Variants in KIF4B observed in about 807,000 individuals in gnomAD.
KIF4B encodes the protein kinesin family member 4B, also known as chromosome-associated kinesin KIF4B.
A neutral mutation model predicts 69.0 loss-of-function variants in KIF4B; 60 were observed. The observed-to-expected ratio is 0.87, with a 90% CI of 0.71 to 1.08. The LOEUF is 1.08. Among genes scored for constraint, KIF4B ranks in the 50% least tolerant of loss-of-function variants. The pLI, the probability that KIF4B is intolerant of heterozygous loss-of-function variation, is 0.00. For missense variants in KIF4B, 1,357 were observed against 1,451.9 expected, an observed-to-expected ratio of 0.93 and a Z score of 1.06; for synonymous variants, 489 against 533.0, an observed-to-expected ratio of 0.92 and a Z score of 1.14.
chr5:155,017,670 GT>G lies in KIF4B; in HGVS notation c.*108del. 1 of 1,462,980 alleles carries G rather than the reference GT, an allele frequency of 6.8e-7. No individual in the cohort carries two copies. Among genetic ancestry groups the G allele is most frequent in the Non-Finnish European group, 9.0e-7 (1 of 1,108,288 alleles). The allele number at this position is 1,462,980 out of a possible 1,614,324, so 90.6% of individuals were successfully genotyped here. On this transcript the variant is annotated 3_prime_UTR_variant, in exon 1 of 1. Coordinates refer to ENST00000435029, the MANE Select transcript of KIF4B (RefSeq NM_001099293.3). ...TTCTCTGGATTTCAGGTTTCTTGCCGTTGAAAAAAAGGAACAAAGCATTACT... is the reference window on the plus strand; with the variant it reads ...TTCTCTGGATTTCAGGTTTCTTGCCGTGAAAAAAAGGAACAAAGCATTACT...
Position 155,016,233 on chromosome 5 carries a change from C to T in KIF4B, c.2374C>T (p.Pro792Ser). The T allele has an allele frequency of 6.2e-7, 1 of 1,614,160 alleles. No individual in the cohort carries two copies. Among genetic ancestry groups the T allele is most frequent in the Non-Finnish European group, 8.5e-7 (1 of 1,180,020 alleles). Residue 792 changes from proline to serine, a missense_variant, in exon 1 of 1, where the codon CCT becomes TCT. Physicochemically the swap from Pro to Ser is moderately conservative, Grantham distance 74. Transcript: ENST00000435029. The part of the protein sequence containing the change: ...KEKKESRENP[P>S]PKLRKCTFSL... ...AAAAAAGGAATCTCGGGAGAATCCA[C>T]CTCCTAAACTCCGGAAGTGTACATT...
Position 155,014,880 on chromosome 5 carries a change from A to G in KIF4B, c.1021A>G (p.Ile341Val), listed in dbSNP as rs1254846635. Residue 341 changes from isoleucine (I) to valine (V), a missense_variant, in exon 1 of 1, where the codon ATT becomes GTT. Physicochemically the swap from Ile to Val is conservative, Grantham distance 29. Coordinates refer to ENST00000435029, the MANE Select transcript of KIF4B (RefSeq NM_001099293.3). ...DRARKIKNKP[I>V]VNIDPHTAEL... ...AGCAAGAAAAATCAAGAACAAACCT[A>G]TTGTTAATATTGATCCCCACACAGC... The G allele has an allele frequency of 8.7e-6, 14 of 1,614,122 alleles. No homozygotes were observed. The highest frequency in any genetic ancestry group is 2.2e-5 in the East Asian group (1 of 44,886).
chr5:155,015,920 C>T lies in KIF4B; in HGVS notation c.2061C>T (p.Leu687=). 6.2e-7 allele frequency: 1 copy of T among 1,613,726 alleles called. No individual in the cohort carries two copies. The highest frequency in any genetic ancestry group is 8.5e-7 in the Non-Finnish European group (1 of 1,179,936). The change falls in exon 1 of 1, where the codon CTC becomes CTT. Residue 687 remains leucine, a synonymous_variant. Coordinates refer to ENST00000435029, the MANE Select transcript of KIF4B (RefSeq NM_001099293.3). The stretch of plus-strand genomic sequence containing the variant: ...ACCGTAAGAGGCAATATGAGCTGCT[C>T]AAACTTGAAAGAAACTTCCAGAAAC... The part of the protein sequence containing the change: ...ERDRKRQYEL[L]KLERNFQKQS...
At position 155,014,167 on chromosome 5, in the gene KIF4B, C is replaced by G. The variant is rs764102616; in HGVS notation, c.308C>G (p.Thr103Ser). 67 of 1,614,152 alleles carry G rather than the reference C, an allele frequency of 4.2e-5. No individual in the cohort carries two copies. The South Asian group carries it at 7.0e-4, about 17-fold the overall frequency. ...GKTYSMGGAY[T>S]AEQENEPTVG... ...ACCTATTCAATGGGAGGTGCATACACTGCGGAGCAGGAGAATGAACCAACA... is the reference window on the plus strand; with the variant it reads ...ACCTATTCAATGGGAGGTGCATACAGTGCGGAGCAGGAGAATGAACCAACA... The change falls in exon 1 of 1, where the codon ACT becomes AGT. Residue 103 changes from threonine to serine, a missense_variant. By Grantham distance (58) the Thr-to-Ser change is moderately conservative. Transcript: ENST00000435029.
Position 155,016,727 on chromosome 5 carries a change from A to T in KIF4B, c.2868A>T (p.Glu956Asp). The stretch of plus-strand genomic sequence containing the variant: ...TAGAGAAATCAGCCAGTGAAAAGGA[A>T]CAACAGCTGGTGAGCACACTGCAGT... ...KQLEKSASEK[E>D]QQLVSTLQCQ... Residue 956 changes from glutamate (E) to aspartate (D), a missense_variant, in exon 1 of 1, where the codon GAA becomes GAT. Transcript: ENST00000435029. 3.7e-6 allele frequency: 6 copies of T among 1,614,184 alleles called. No homozygotes were observed. The highest frequency in any genetic ancestry group is 5.1e-6 in the Non-Finnish European group (6 of 1,180,032).
At position 155,016,188 on chromosome 5, in the gene KIF4B, G is replaced by A. The variant is rs765390472; in HGVS notation, c.2329G>A (p.Asp777Asn). ...LLEDRKILAQ[D>N]VVQLKEKKES... ...TGAAGACAGAAAGATCCTGGCTCAG[G>A]ATGTGGTTCAACTCAAAGAAAAAAA... Residue 777 changes from aspartate to asparagine, a missense_variant, in exon 1 of 1, where the codon GAT (aspartate) becomes AAT (asparagine). Transcript: ENST00000435029. 11 of 1,614,186 alleles carry A rather than the reference G, an allele frequency of 6.8e-6. No homozygotes were observed. The highest frequency in any genetic ancestry group is 8.5e-6 in the Non-Finnish European group (10 of 1,180,032).
chr5:155,016,429 T>C lies in KIF4B; in HGVS notation c.2570T>C (p.Ile857Thr), dbSNP rs765206113. Reference sequence around the variant, plus strand: ...AGGCCAAAACAATGCTGGGAGAATATTGCCACCATTCTGGAAGCCAAGTGT... The same window carrying C: ...AGGCCAAAACAATGCTGGGAGAATACTGCCACCATTCTGGAAGCCAAGTGT... ...EDRPKQCWEN[I>T]ATILEAKCAL... The change falls in exon 1 of 1, where the codon ATT (isoleucine) becomes ACT (threonine). Residue 857 changes from isoleucine (I) to threonine (T), a missense_variant. By Grantham distance (89) the Ile-to-Thr change is moderately conservative (BLOSUM62 -1). Transcript: ENST00000435029. The C allele has an allele frequency of 3.1e-6, 5 of 1,614,078 alleles. No homozygotes were observed. Among genetic ancestry groups the C allele is most frequent in the African/African-American group, 1.3e-5 (1 of 74,930 alleles).
rs775211305 is a variant in KIF4B at position 155,015,652 on chromosome 5, G to A, written c.1793G>A (p.Arg598His). The change falls in exon 1 of 1, where the codon CGC becomes CAC. Residue 598 changes from arginine (R) to histidine (H), a missense_variant. Coordinates refer to ENST00000435029, the MANE Select transcript of KIF4B (RefSeq NM_001099293.3). ...NVNQAKLSEH[R>H]HKLLQELEGQ... is the part of the protein sequence containing the mutation. ...AACCAAGCCAAGCTGAGTGAGCACC[G>A]CCACAAACTTCTCCAGGAGCTGGAG... 3.8e-5 allele frequency: 61 copies of A among 1,614,044 alleles called. No individual in the cohort carries two copies. Among genetic ancestry groups the A allele is most frequent in the Middle Eastern group, 1.6e-4 (1 of 6,084 alleles).
rs1765318814 is a variant in KIF4B at position 155,015,867 on chromosome 5, A to T, written c.2008A>T (p.Lys670Ter). 1 of 1,614,144 alleles carries T rather than the reference A, an allele frequency of 6.2e-7. No individual in the cohort carries two copies. Among genetic ancestry groups the T allele is most frequent in the African/African-American group, 1.3e-5 (1 of 74,952 alleles). The stretch of plus-strand genomic sequence containing the variant: ...TAGACAATGGAAGCAGAAAAAAGAC[A>T]AAGAAGTAATACAGTTGAAAGAACG... ...KFRQWKQKKDKEVIQLKERDR... is the reference protein window; with the variant it reads ...KFRQWKQKKD The change falls in exon 1 of 1, where the codon AAA (lysine) becomes TAA (stop). Residue 670 changes from lysine (K) to a stop codon, truncating the protein, a stop_gained. Transcript: ENST00000435029. LOFTEE classifies it high-confidence loss of function.
At position 155,015,235 on chromosome 5, in the gene KIF4B, T is replaced by C. The variant is rs201144372; in HGVS notation, c.1376T>C (p.Leu459Ser). 42 of 1,613,998 alleles carry C rather than the reference T, an allele frequency of 2.6e-5. 1 individual carries two copies. The East Asian group carries it at 5.8e-4, about 22-fold the overall frequency. ...GTGGAGACTTTGGAAGACCAGGAATTGAAAGAAAATGTAGAGATAATTTGT... is the reference window on the plus strand; with the variant it reads ...GTGGAGACTTTGGAAGACCAGGAATCGAAAGAAAATGTAGAGATAATTTGT... ...KLVETLEDQE[L>S]KENVEIICNL... The change falls in exon 1 of 1, where the codon TTG becomes TCG. Residue 459 changes from leucine to serine, a missense_variant. Transcript: ENST00000435029.
In KIF4B at chr5:155,016,803, C is replaced by T; in HGVS notation, c.2944C>T (p.Gln982Ter). Reference sequence around the variant, plus strand: ...GCGAGAAGTGTGTGAGCAAAATCAGCAGCTTCTCCAAGAGAATGAAATCAT... The same window carrying T: ...GCGAGAAGTGTGTGAGCAAAATCAGTAGCTTCTCCAAGAGAATGAAATCAT... Reference protein sequence around the residue: ...KMREVCEQNQQLLQENEIIKQ... With the variant: ...KMREVCEQNQ The change falls in exon 1 of 1, where the codon CAG (glutamine) becomes TAG (stop). Residue 982 changes from glutamine (Q) to a stop codon, truncating the protein, a stop_gained. Coordinates refer to ENST00000435029, the MANE Select transcript of KIF4B (RefSeq NM_001099293.3). LOFTEE classifies it low-confidence loss of function (END_TRUNC). 1 of 1,614,174 alleles carries T rather than the reference C, an allele frequency of 6.2e-7. No homozygotes were observed. Among genetic ancestry groups the T allele is most frequent in the Non-Finnish European group, 8.5e-7 (1 of 1,180,036 alleles).
rs778939960 is a variant in KIF4B at position 155,015,835 on chromosome 5, A to C, written c.1976A>C (p.Glu659Ala). ...QLMRQMKEDA[E>A]KFRQWKQKKD... The stretch of plus-strand genomic sequence containing the variant: ...ATGCGTCAAATGAAAGAGGATGCTG[A>C]GAAGTTTAGACAATGGAAGCAGAAA... Residue 659 changes from glutamate (E) to alanine (A), a missense_variant, in exon 1 of 1, where the codon GAG becomes GCG. Transcript: ENST00000435029. 2.5e-6 allele frequency: 4 copies of C among 1,614,276 alleles called. No individual in the cohort carries two copies. In the East Asian group the frequency reaches 8.9e-5, roughly 36 times the overall value.
chr5:155,014,889 A>G lies in KIF4B; in HGVS notation c.1030A>G (p.Ile344Val). Residue 344 changes from isoleucine to valine, a missense_variant, in exon 1 of 1, where the codon ATT (isoleucine) becomes GTT (valine). Transcript: ENST00000435029. ...AATCAAGAACAAACCTATTGTTAAT[A>G]TTGATCCCCACACAGCTGAACTTAA... ...RKIKNKPIVN[I>V]DPHTAELNHL... 1 of 1,614,196 alleles carries G rather than the reference A, an allele frequency of 6.2e-7. No homozygotes were observed.
At position 155,015,217 on chromosome 5, in the gene KIF4B, C is replaced by T; in HGVS notation, c.1358C>T (p.Thr453Ile). 2 of 1,614,198 alleles carry T rather than the reference C, an allele frequency of 1.2e-6. No homozygotes were observed. Among genetic ancestry groups the T allele is most frequent in the South Asian group, 1.1e-5 (1 of 91,084 alleles). Residue 453 changes from threonine (T) to isoleucine (I), a missense_variant, in exon 1 of 1, where the codon ACT becomes ATT. Coordinates refer to ENST00000435029, the MANE Select transcript of KIF4B (RefSeq NM_001099293.3). ...CKLDLQKLVE[T>I]LEDQELKENV... is the part of the protein sequence containing the mutation. ...CTGGATCTTCAAAAGCTAGTGGAGACTTTGGAAGACCAGGAATTGAAAGAA... is the reference window on the plus strand; with the variant it reads ...CTGGATCTTCAAAAGCTAGTGGAGATTTTGGAAGACCAGGAATTGAAAGAA...
At position 155,017,084 on chromosome 5, in the gene KIF4B, A is replaced by C. The variant is rs758226551; in HGVS notation, c.3225A>C (p.Thr1075=). Residue 1075 remains threonine (T), a synonymous_variant, in exon 1 of 1, where the codon ACA becomes ACC. Coordinates refer to ENST00000435029, the MANE Select transcript of KIF4B (RefSeq NM_001099293.3). The stretch of plus-strand genomic sequence containing the variant: ...GGGATGATGAGGAATGGAAGCCAAC[A>C]AAATTAGTCAAGGTGTCCAGGAAGA... ...DEGDDEEWKP[T]KLVKVSRKNI... The C allele has an allele frequency of 6.8e-6, 11 of 1,614,092 alleles. No individual in the cohort carries two copies. Among genetic ancestry groups the C allele is most frequent in the Admixed American group, 6.7e-5 (4 of 60,010 alleles).
In KIF4B at chr5:155,017,113, T is replaced by C; in HGVS notation, c.3254T>C (p.Ile1085Thr). The change falls in exon 1 of 1, where the codon ATC (isoleucine) becomes ACC (threonine). Residue 1085 changes from isoleucine to threonine, a missense_variant. Transcript: ENST00000435029. ...TKLVKVSRKNIQGCSCKGWCG... is the reference protein window; with the variant it reads ...TKLVKVSRKNTQGCSCKGWCG... ...TTAGTCAAGGTGTCCAGGAAGAACA[T>C]CCAAGGGTGTTCCTGCAAGGGCTGG... 6.2e-7 allele frequency: 1 copy of C among 1,614,062 alleles called. No individual in the cohort carries two copies. The highest frequency in any genetic ancestry group is 8.5e-7 in the Non-Finnish European group (1 of 1,180,000).
chr5:155,017,481 C>T lies in KIF4B; in HGVS notation c.3622C>T (p.Pro1208Ser). 6.2e-7 allele frequency: 1 copy of T among 1,614,042 alleles called. No homozygotes were observed. Among genetic ancestry groups the T allele is most frequent in the East Asian group, 2.2e-5 (1 of 44,860 alleles). The part of the protein sequence containing the change: ...GATEYQQNKP[P>S]GKKKKRALAS... Reference sequence around the variant, plus strand: ...AACAGAATACCAACAAAATAAGCCTCCAGGGAAGAAAAAGAAACGAGCTCT... The same window carrying T: ...AACAGAATACCAACAAAATAAGCCTTCAGGGAAGAAAAAGAAACGAGCTCT... The change falls in exon 1 of 1, where the codon CCA becomes TCA. Residue 1208 changes from proline (P) to serine (S), a missense_variant. Pro to Ser is a moderately conservative substitution (Grantham distance 74, BLOSUM62 -1). Coordinates refer to ENST00000435029, the MANE Select transcript of KIF4B (RefSeq NM_001099293.3).
chr5:155,015,147 CT>C lies in KIF4B; in HGVS notation c.1289del (p.Leu430ArgfsTer5). The C allele has an allele frequency of 6.2e-7, 1 of 1,614,216 alleles. No homozygotes were observed. On this transcript the variant is annotated frameshift_variant, in exon 1 of 1. Transcript: ENST00000435029. LOFTEE classifies it high-confidence loss of function. ...IILTEQVNEK[L>X]NAKLEELRQH... The stretch of plus-strand genomic sequence containing the variant: ...TTTGACAGAGCAAGTGAATGAAAAA[CT>C]GAACGCCAAGCTAGAAGAGCTCAGG...
chr5:155,017,171 A>G lies in KIF4B; in HGVS notation c.3312A>G (p.Gln1104=), dbSNP rs760769143. 8 of 1,614,032 alleles carry G rather than the reference A, an allele frequency of 5.0e-6. No individual in the cohort carries two copies. Among genetic ancestry groups the G allele is most frequent in the Admixed American group, 3.3e-5 (2 of 60,002 alleles). ...ACAAGCAGTGTGGGTGCAGGAAGCA[A>G]AAGTCAGACTGTGGTGTGGACTGTA... The part of the protein sequence containing the change: ...CGNKQCGCRK[Q]KSDCGVDCSC... Residue 1104 remains glutamine, a synonymous_variant, in exon 1 of 1, where the codon CAA becomes CAG. Transcript: ENST00000435029.
Sources: allele counts gnomAD v4.1 joint callset, GRCh38; gene constraint gnomAD v4.1.1; transcripts MANE v1.5; gene names NCBI Gene and HGNC (gene_info 2026-07-23, HGNC 2026-07-21).